The following PCDH15 variants were observed in gnomAD, a reference collection of about 807,000 sequenced individuals.
PCDH15 encodes the protein protocadherin related 15.
Under a neutral mutation model 178.5 loss-of-function variants are expected in PCDH15, and 129 were observed. The observed-to-expected ratio is 0.72, with a 90% CI of 0.63 to 0.84. The LOEUF (loss-of-function observed/expected upper bound fraction) is 0.84. Among genes scored for constraint, PCDH15 ranks in the 40% least tolerant of loss-of-function variants. The pLI is 0.00. For synonymous variants in PCDH15, 800 were observed against 732.0 expected, an observed-to-expected ratio of 1.09 and a Z score of -1.50; for missense variants, 2,230 against 2,099.9, an observed-to-expected ratio of 1.06 and a Z score of -1.21.
At chr10:53,828,096 C>T (rs967577692) in intron 31 of PCDH15, among the ~76,000 whole-genome samples, 6 of 150,706 alleles carry the variant, frequency 4.0e-5, no homozygotes, top group African/African-American at 1.5e-4. Context: ...ATCCCAGCTA[C>T]TGGGGAGGCT....
intron 1 of PCDH15, among the ~76,000 whole-genome samples, chr10:55,205,152 T>C (rs1337150568): frequency 6.6e-6 from 1 of 151,946 alleles, no homozygotes. Context: ...GTGATAAAAA[T>C]AAAAGAAATA....
intron 2 of PCDH15, among the ~76,000 whole-genome samples, chr10:55,443,834 T>C (rs1839252315): frequency 6.6e-6 from 1 of 152,218 alleles, no homozygotes; most frequent in South Asian, 2.1e-4. Context: ...CACATGCACA[T>C]GTATGTTTAT....
chr10:55,061,036 C>A (rs998776250), intron 2 of PCDH15, among the ~76,000 whole-genome samples: 7 of 151,904 alleles, frequency 4.6e-5, no homozygotes, highest in Non-Finnish European at 7.4e-5. Flanking sequence ...TTTTTAGATA[C>A]AAAGCCAAAG....
intron 3 of PCDH15, among the ~76,000 whole-genome samples, chr10:54,435,978 GAAAGAAAGA>G (rs1284978312): frequency 1.4e-5 from 2 of 141,872 alleles, no homozygotes; most frequent in Non-Finnish European, 3.0e-5. Flanking sequence ...TTAAAAAAAT[GAAAGAAAGA>G]AAAGAAAAGA....
Position 54,556,578 on chromosome 10 carries a change from CT to C in PCDH15, c.92-28702del, listed in dbSNP as rs768469030. ...ATCACTCTGGAGAGATTACAAAACA[CT>C]TTTTTTTTTTCTAAAACTGTTAAGA... On this transcript the variant is annotated intron_variant, in intron 2 of 37. Transcript: ENST00000644397. Among the ~76,000 whole-genome samples, 859 of 141,418 alleles carry C rather than the reference CT, an allele frequency of 6.1e-3. 7 individuals are homozygous for C. Among genetic ancestry groups the C allele is most frequent in the African/African-American group, 0.019 (747 of 38,568 alleles). 92.8% of individuals were successfully genotyped at this position (141,418 alleles called of 152,430 possible).
chr10:53,968,418 T>C (rs1187583449), intron 21 of PCDH15, among the ~76,000 whole-genome samples: 1 of 152,160 alleles, frequency 6.6e-6, no homozygotes, highest in South Asian at 2.1e-4. Context: ...AGACTCCACC[T>C]CTGGGGGCAG....
intron 13 of PCDH15, among the ~76,000 whole-genome samples, chr10:54,178,005 C>T (rs543231903): frequency 2.0e-5 from 3 of 152,046 alleles, no homozygotes; most frequent in African/African-American, 7.2e-5. Context: ...TGATTGAAAA[C>T]TTGAGAACAG....
chr10:54,294,924 G>A (rs2059652538), intron 8 of PCDH15, among the ~76,000 whole-genome samples: 1 of 152,132 alleles, frequency 6.6e-6, no homozygotes, highest in African/African-American at 2.4e-5. Context: ...AAGTAATTTG[G>A]GAAGAAAGGA....
chr10:55,541,926 T>C (rs1440581425), intron 2 of PCDH15, among the ~76,000 whole-genome samples: 1 of 151,800 alleles, frequency 6.6e-6, no homozygotes, highest in African/African-American at 2.4e-5. Context: ...GGATGTCAAG[T>C]ATCAAAAAAT....
intron 1 of PCDH15, among the ~76,000 whole-genome samples, chr10:54,781,624 A>T (rs1177777045): frequency 6.6e-6 from 1 of 152,160 alleles, no homozygotes; most frequent in Non-Finnish European, 1.5e-5. Flanking sequence ...ATATACTGTG[A>T]ATGACTTAGC....
At chr10:54,513,344 T>A (rs1241337548) in intron 3 of PCDH15, among the ~76,000 whole-genome samples, 2 of 151,806 alleles carry the variant, frequency 1.3e-5, no homozygotes, top group Non-Finnish European at 2.9e-5. Context: ...CACTGCAAAC[T>A]CTGCCTCCTG....
chr10:53,933,110 C>A (rs897166595), intron 25 of PCDH15, among the ~76,000 whole-genome samples: 4 of 152,028 alleles, frequency 2.6e-5, no homozygotes, highest in Non-Finnish European at 4.4e-5. Context: ...GATTACAGAA[C>A]CATGAGCCAA....
At chr10:54,369,333 C>G in intron 4 of PCDH15, 58 bp from the exon 5 acceptor site, 1 of 1,488,206 alleles carries the variant, frequency 6.7e-7, no homozygotes, top group Non-Finnish European at 9.3e-7. Flanking sequence ...CTTCTCATCA[C>G]TGTCAAAGCA....
intron 14 of PCDH15, among the ~76,000 whole-genome samples, chr10:54,143,236 T>C (rs2043569484): frequency 6.6e-6 from 1 of 152,190 alleles, no homozygotes; most frequent in South Asian, 2.1e-4. Context: ...GAGGATTATA[T>C]GAGATTCCTG....
At chr10:53,950,502 T>G (rs954199837) in intron 23 of PCDH15, among the ~76,000 whole-genome samples, 3 of 152,178 alleles carry the variant, frequency 2.0e-5, no homozygotes, top group African/African-American at 7.2e-5. Flanking sequence ...TTAATTGTAT[T>G]TGGCAAATTT....
intron 2 of PCDH15, among the ~76,000 whole-genome samples, chr10:55,327,824 TG>T (rs1325552311): frequency 6.6e-6 from 1 of 152,136 alleles, no homozygotes; most frequent in African/African-American, 2.4e-5. Context: ...AAAATGTGTT[TG>T]TTTTTTTGTT....
chr10:54,070,242 C>T (rs943266431), intron 17 of PCDH15, among the ~76,000 whole-genome samples: 36 of 152,222 alleles, frequency 2.4e-4, no homozygotes, highest in African/African-American at 8.2e-4. Context: ...ATCACTCTGT[C>T]ATTCAGGCTG....
At chr10:54,539,499 C>A (rs1261918800) in intron 2 of PCDH15, among the ~76,000 whole-genome samples, 1 of 152,130 alleles carries the variant, frequency 6.6e-6, no homozygotes, top group Non-Finnish European at 1.5e-5. Flanking sequence ...TCTAAACCTA[C>A]AAAAAGACTG....
chr10:55,623,083 C>A (rs190874462), intron 2 of PCDH15, among the ~76,000 whole-genome samples: 89 of 152,260 alleles, frequency 5.8e-4, no homozygotes, highest in African/African-American at 2.0e-3. Context: ...TCCGAAGTAT[C>A]GCTAGTCCCT....
Sources: allele counts gnomAD v4.1 joint callset (sites outside exome capture counted in the v4.1 genomes callset), GRCh38; gene constraint gnomAD v4.1.1; transcripts MANE v1.5; gene names NCBI Gene and HGNC (gene_info 2026-07-23, HGNC 2026-07-21).